TUSC3: variants seen among roughly 807,000 people sequenced by gnomAD.
TUSC3 encodes the protein tumor suppressor candidate 3, also known as dolichyl-diphosphooligosaccharide--protein glycosyltransferase subunit TUSC3.
Under a neutral mutation model 44.8 loss-of-function variants are expected in TUSC3, and 45 were observed. That is an observed-to-expected ratio of 1.00 (90% CI 0.79 to 1.29). The LOEUF (loss-of-function observed/expected upper bound fraction) is 1.29. Among genes scored for constraint, TUSC3 ranks in the 50% most tolerant of loss-of-function variants. The pLI is 0.00. For missense variants in TUSC3, 519 were observed against 437.9 expected (o/e 1.19, Z -1.65); for synonymous variants, 212 against 152.9 (o/e 1.39, Z -2.85).
At chr8:15,722,973 A>T (rs1002811605) in intron 6 of TUSC3, among the ~76,000 whole-genome samples, 1 of 152,136 alleles carries the variant, frequency 6.6e-6, no homozygotes, top group African/African-American at 2.4e-5. Context: ...CATAGCTTAT[A>T]GCTCATTAGT....
intron 1 of TUSC3, among the ~76,000 whole-genome samples, chr8:15,541,999 A>G (rs1801708189): frequency 7.1e-6 from 1 of 141,348 alleles, no homozygotes; most frequent in African/African-American, 2.5e-5. Flanking sequence ...GACCTTAATC[A>G]ATTTTTTTTT....
At chr8:15,713,616 G>C (rs1809946811) in intron 6 of TUSC3, among the ~76,000 whole-genome samples, 1 of 152,028 alleles carries the variant, frequency 6.6e-6, no homozygotes, top group Non-Finnish European at 1.5e-5. Context: ...GGGCGAGTTT[G>C]AGGTCTTTCC....
the TUSC3 span, among the ~76,000 whole-genome samples, chr8:15,826,905 G>C: frequency 6.6e-6 from 1 of 152,166 alleles, no homozygotes; most frequent in African/African-American, 2.4e-5. Context: ...GTTGGGAACA[G>C]GGATAAAAAT....
chr8:15,743,585 T>C lies in TUSC3; in HGVS notation c.910T>C (p.Ser304Pro). 1 of 1,614,000 alleles carries C rather than the reference T, an allele frequency of 6.2e-7. No individual in the cohort carries two copies. Among genetic ancestry groups the C allele is most frequent in the Non-Finnish European group, 8.5e-7 (1 of 1,179,872 alleles). The change falls in exon 8 of 11, where the codon TCG (serine) becomes CCG (proline). Residue 304 changes from serine (S) to proline (P), a missense_variant. Transcript: ENST00000503731. Reference protein sequence around the residue: ...GMVLLNEAATSKGDVGKRRII... With the variant: ...GMVLLNEAATPKGDVGKRRII... ...GGTTCTTCTAAATGAAGCAGCAACT[T>C]CGAAAGGCGATGTTGGAAAAAGACG...
rs531581385 is a variant in TUSC3 at position 15,665,240 on chromosome 8, G to C, written c.708+2944G>C. Among the ~76,000 whole-genome samples the C allele has an allele frequency of 2.5e-4, 38 of 151,542 alleles. 2 individuals carry two copies. In the South Asian group the frequency reaches 7.7e-3, roughly 31 times the overall value. ...AACAGTAATGAACCTTGTAAGAGTA[G>C]ACAACTTCCATAGAACAAAAAAATG... On this transcript the variant is annotated intron_variant, in intron 5 of 10. Coordinates refer to ENST00000503731, the MANE Select transcript of TUSC3 (RefSeq NM_006765.4).
chr8:15,615,809 A>C (rs564487062), intron 1 of TUSC3, among the ~76,000 whole-genome samples: 1 of 152,344 alleles, frequency 6.6e-6, no homozygotes, highest in East Asian at 1.9e-4. Flanking sequence ...AATACTACAA[A>C]AATGAGTTAA....
chr8:15,604,063 A>G (rs1352870814), intron 1 of TUSC3, among the ~76,000 whole-genome samples: 1 of 151,758 alleles, frequency 6.6e-6, no homozygotes, highest in Non-Finnish European at 1.5e-5. Context: ...CCCTACAGCA[A>G]TGCAGATAAA....
chr8:15,582,995 C>G (rs1474024085), intron 1 of TUSC3, among the ~76,000 whole-genome samples: 2 of 152,156 alleles, frequency 1.3e-5, no homozygotes, highest in Admixed American at 1.3e-4. Flanking sequence ...TCTGTCTGTA[C>G]ATTTTTATTT....
At chr8:15,759,706 C>T (rs2129223933) in intron 10 of TUSC3, among the ~76,000 whole-genome samples, 1 of 152,112 alleles carries the variant, frequency 6.6e-6, no homozygotes, top group South Asian at 2.1e-4. Flanking sequence ...ATTCTTACAC[C>T]TTCCTTTTTT....
the TUSC3 span, among the ~76,000 whole-genome samples, chr8:15,812,040 A>G: frequency 6.6e-6 from 1 of 152,220 alleles, no homozygotes; most frequent in Non-Finnish European, 1.5e-5. Flanking sequence ...TCTCCAAAGA[A>G]ATAGGACACA....
At chr8:15,694,562 A>G (rs181024059) in intron 6 of TUSC3, among the ~76,000 whole-genome samples, 15 of 151,074 alleles carry the variant, frequency 9.9e-5, no homozygotes, top group Non-Finnish European at 2.1e-4. Context: ...TCGTGGGCTG[A>G]TGTCCCTTCA....
chr8:15,453,928 C>G (rs1480536757), intron 1 of TUSC3, among the ~76,000 whole-genome samples: 1 of 152,128 alleles, frequency 6.6e-6, no homozygotes, highest in Non-Finnish European at 1.5e-5. Context: ...ATTAAGATCT[C>G]AGGAGTTGGG....
intron 2 of TUSC3, among the ~76,000 whole-genome samples, chr8:15,485,690 G>C (rs963133617): frequency 1.3e-5 from 2 of 152,110 alleles, no homozygotes; most frequent in Non-Finnish European, 2.9e-5. Flanking sequence ...ATGAAGAGTA[G>C]GAGGGGAAAG....
intron 1 of TUSC3, among the ~76,000 whole-genome samples, chr8:15,455,109 G>C (rs1210818564): frequency 6.6e-6 from 1 of 152,106 alleles, no homozygotes; most frequent in Non-Finnish European, 1.5e-5. Flanking sequence ...TAGTAGCAAA[G>C]GCACTATTAA....
At chr8:15,478,756 C>G (rs1312835950) in intron 1 of TUSC3, among the ~76,000 whole-genome samples, 1 of 152,054 alleles carries the variant, frequency 6.6e-6, no homozygotes, top group Non-Finnish European at 1.5e-5. Context: ...GTGCATGTAT[C>G]TTTATAACAG....
chr8:15,651,888 T>C (rs1806924902), intron 3 of TUSC3, among the ~76,000 whole-genome samples: 1 of 152,226 alleles, frequency 6.6e-6, no homozygotes, highest in South Asian at 2.1e-4. Flanking sequence ...CGAGAGCTTA[T>C]GTCCAGGCAC....
At chr8:15,825,094 G>A in the TUSC3 span, among the ~76,000 whole-genome samples, 1 of 152,080 alleles carries the variant, frequency 6.6e-6, no homozygotes, top group African/African-American at 2.4e-5. Context: ...TGTCCTTTCA[G>A]GTGCTCCTGA....
chr8:15,460,200 C>G (rs890118690), intron 1 of TUSC3, among the ~76,000 whole-genome samples: 2 of 152,008 alleles, frequency 1.3e-5, no homozygotes, highest in African/African-American at 4.8e-5. Context: ...CCAACATCTA[C>G]TGCTTTTTGA....
chr8:15,567,074 A>T (rs946922996), intron 1 of TUSC3, among the ~76,000 whole-genome samples: 34 of 152,270 alleles, frequency 2.2e-4, no homozygotes, highest in African/African-American at 8.2e-4. Flanking sequence ...CTTTTAACTT[A>T]GTGATCTTGG....
Sources: allele counts gnomAD v4.1 joint callset (sites outside exome capture counted in the v4.1 genomes callset), GRCh38; gene constraint gnomAD v4.1.1; transcripts MANE v1.5; gene names NCBI Gene and HGNC (gene_info 2026-07-23, HGNC 2026-07-21).